The following THADA variants were observed in gnomAD, a reference collection of about 807,000 sequenced individuals.
The protein encoded by THADA is tRNA (32-2'-O)-methyltransferase regulator THADA.
A neutral mutation model predicts 219.8 loss-of-function variants in THADA; 213 were observed. The ratio of observed to expected loss-of-function variants is 0.97; its 90% CI spans 0.87 to 1.09. The LOEUF (loss-of-function observed/expected upper bound fraction) is 1.09, where lower values mean the gene tolerates loss of function less well. Ranked by LOEUF, THADA falls within the 50% of genes least tolerant of loss-of-function variation. The probability of loss-of-function intolerance (pLI) is 0.00; values close to 1 mark genes in which losing one functional copy is unlikely to be tolerated. For missense variants in THADA, 2,956 were observed against 2,311.3 expected (o/e 1.28, Z -5.72); for synonymous variants, 1,018 against 828.9 (o/e 1.23, Z -3.92).
At chr2:43,398,229 G>T in intron 28 of THADA, 90 bp from the exon 29 acceptor site, 1 of 1,382,100 alleles carries the variant, frequency 7.2e-7, no homozygotes, top group Non-Finnish European at 1.0e-6. Context: ...GCATGGCCTG[G>T]AACATCCAGG....
In THADA at chr2:43,290,271, C is replaced by T. The variant is rs542665178; in HGVS notation, c.5010+1425G>A. On this transcript the variant is annotated intron_variant, in intron 34 of 37. Transcript: ENST00000405975. ...ACAGGTGTGAACCACCATGTCTGGC[C>T]GTTTTTTTTTTTCCCCTTCCTGGGC... Among the ~76,000 whole-genome samples the T allele has an allele frequency of 1.6e-4, 24 of 151,342 alleles. No homozygotes were observed. In the South Asian group the frequency reaches 4.8e-3, roughly 30 times the overall value.
intron 21 of THADA, among the ~76,000 whole-genome samples, chr2:43,540,951 C>T (rs1185877188): frequency 5.3e-5 from 8 of 152,004 alleles, no homozygotes; most frequent in Non-Finnish European, 7.4e-5. Flanking sequence ...TATTTATATA[C>T]CTTAGAAAAA....
Position 43,281,440 on chromosome 2 carries a change from C to CT in THADA, c.5165-1545dup, listed in dbSNP as rs35111198. ...TGCCCTTGACTTTTCTCATGTACTT[C>CT]TTTTTTTTTTTTTTTTTTGAGATGA... On this transcript the variant is annotated intron_variant, in intron 35 of 37. Coordinates refer to ENST00000405975, the MANE Select transcript of THADA (RefSeq NM_022065.5). 1.6e-3 allele frequency among the ~76,000 whole-genome samples: 168 copies of CT among 106,810 alleles called. 3 individuals carry two copies. The highest frequency in any genetic ancestry group is 0.011 in the East Asian group (49 of 4,426). 70.1% of individuals were successfully genotyped at this position (106,810 alleles called of 152,430 possible). A position where few individuals can be genotyped will look rare whatever the true frequency, so the allele number is the denominator to read the frequency against.
intron 26 of THADA, among the ~76,000 whole-genome samples, chr2:43,435,659 T>C (rs1679995340): frequency 6.6e-6 from 1 of 151,892 alleles, no homozygotes; most frequent in African/African-American, 2.4e-5. Flanking sequence ...AGCATCTGCC[T>C]GTAATCCCAG....
At chr2:43,237,604 T>C (rs1051084192) in intron 36 of THADA, among the ~76,000 whole-genome samples, 5 of 151,534 alleles carry the variant, frequency 3.3e-5, no homozygotes, top group Non-Finnish European at 5.9e-5. Context: ...TTTCACCATC[T>C]TGGCCAGGCT....
chr2:43,537,950 A>C (rs923283511), intron 21 of THADA, among the ~76,000 whole-genome samples: 6 of 152,038 alleles, frequency 3.9e-5, no homozygotes, highest in African/African-American at 1.4e-4. Flanking sequence ...AAAAAAAAAA[A>C]AAAAAACTAA....
At chr2:43,399,878 AC>A (rs1232906184) in intron 28 of THADA, among the ~76,000 whole-genome samples, 8 of 127,420 alleles carry the variant, frequency 6.3e-5, no homozygotes, top group Non-Finnish European at 1.5e-4. Flanking sequence ...TGACCAAAAA[AC>A]AAAAAAACAA....
At chr2:43,512,002 A>T (rs537666626) in intron 22 of THADA, among the ~76,000 whole-genome samples, 1 of 152,346 alleles carries the variant, frequency 6.6e-6, no homozygotes, top group Non-Finnish European at 1.5e-5. Flanking sequence ...GTATAACTGT[A>T]AACAGTGAAC....
intron 1 of THADA, chr2:43,592,710 A>T (rs1467814455): frequency 4.8e-6 from 1 of 208,448 alleles, no homozygotes; most frequent in Non-Finnish European, 9.4e-6. Flanking sequence ...GCTGAAGCTT[A>T]TTACTGACTG....
intron 6 of THADA, 89 bp downstream of exon 6, chr2:43,586,613 C>G: frequency 7.0e-7 from 1 of 1,432,358 alleles, no homozygotes; most frequent in Non-Finnish European, 9.5e-7. Flanking sequence ...CAATGCTCTA[C>G]CTATTACCAA....
chr2:43,467,593 T>C (rs1684410940), intron 26 of THADA, among the ~76,000 whole-genome samples: 1 of 152,222 alleles, frequency 6.6e-6, no homozygotes, highest in Non-Finnish European at 1.5e-5. Flanking sequence ...TCCAAATAAT[T>C]GGAAAAGTTT....
intron 29 of THADA, among the ~76,000 whole-genome samples, chr2:43,362,384 G>A (rs1573273577): frequency 6.6e-6 from 1 of 152,196 alleles, no homozygotes; most frequent in South Asian, 2.1e-4. Context: ...CATACATTCT[G>A]AGAAACGTGT....
At chr2:43,414,361 T>C (rs931607605) in intron 28 of THADA, among the ~76,000 whole-genome samples, 12 of 152,224 alleles carry the variant, frequency 7.9e-5, no homozygotes, top group African/African-American at 2.9e-4. Context: ...CGTGGATATC[T>C]AGTCATTCAT....
chr2:43,358,440 G>C (rs1669118721), intron 29 of THADA, among the ~76,000 whole-genome samples: 1 of 152,156 alleles, frequency 6.6e-6, no homozygotes, highest in African/African-American at 2.4e-5. Context: ...GAGCAGGTCA[G>C]AGGAGAAACC....
intron 25 of THADA, among the ~76,000 whole-genome samples, chr2:43,486,136 T>G (rs564571206): frequency 7.2e-5 from 11 of 152,088 alleles, no homozygotes; most frequent in Non-Finnish European, 1.6e-4. Flanking sequence ...ATCCAGGTAA[T>G]TAATATGGCT....
At chr2:43,574,192 C>G in intron 11 of THADA, 144 bp downstream of exon 11, 1 of 674,962 alleles carries the variant, frequency 1.5e-6, no homozygotes, top group South Asian at 2.6e-5. Context: ...ACATTCGTTT[C>G]AAACTGAAAC....
intron 26 of THADA, among the ~76,000 whole-genome samples, chr2:43,464,405 T>G (rs537746082): frequency 6.6e-6 from 1 of 152,214 alleles, no homozygotes; most frequent in Non-Finnish European, 1.5e-5. Flanking sequence ...AAGATTGGAA[T>G]TGTATAATGT....
intron 24 of THADA, among the ~76,000 whole-genome samples, chr2:43,503,406 T>G (rs563577125): frequency 3.5e-4 from 53 of 152,342 alleles, no homozygotes; most frequent in African/African-American, 1.2e-3. Context: ...TCTTAAAATA[T>G]AATGTTGATT....
chr2:43,592,077 A>G (rs1701644459), intron 2 of THADA, 31 bp from the exon 3 acceptor site: 2 of 1,489,758 alleles, frequency 1.3e-6, no homozygotes, highest in Non-Finnish European at 1.8e-6. Context: ...AAAATTTTCA[A>G]TGATTTAACA....
Sources: allele counts gnomAD v4.1 joint callset (sites outside exome capture counted in the v4.1 genomes callset), GRCh38; gene constraint gnomAD v4.1.1; transcripts MANE v1.5; gene names NCBI Gene and HGNC (gene_info 2026-07-23, HGNC 2026-07-21).